The following CSMD1 variants were observed in gnomAD, a reference collection of about 807,000 sequenced individuals.
The protein encoded by CSMD1 is CUB and Sushi multiple domains 1.
A neutral mutation model predicts 417.5 loss-of-function variants in CSMD1; 213 were observed. That is an observed-to-expected ratio of 0.51 (90% CI 0.46 to 0.57). The LOEUF is 0.57. CSMD1 is among the 20% of genes least tolerant of loss of function. The probability of loss-of-function intolerance (pLI) is 0.00; values close to 1 mark genes in which losing one functional copy is unlikely to be tolerated. For synonymous variants in CSMD1, 2,862 were observed against 1,736.8 expected, an observed-to-expected ratio of 1.65 and a Z score of -16.11; for missense variants, 6,923 against 4,529.7, an observed-to-expected ratio of 1.53 and a Z score of -15.17.
chr8:3,608,946 G>C (rs1247319835), intron 8 of CSMD1, among the ~76,000 whole-genome samples: 1 of 152,046 alleles, frequency 6.6e-6, no homozygotes, highest in Non-Finnish European at 1.5e-5. Flanking sequence ...CTGAGCTCAA[G>C]GGCAAATTTC....
rs184623550 is a variant in CSMD1, at chr8:3,677,965, C to A, written c.1009+30449G>T. 3.9e-5 allele frequency among the ~76,000 whole-genome samples: 6 copies of A among 152,252 alleles called. No homozygotes were observed. In the South Asian group the frequency reaches 8.3e-4, roughly 21 times the overall value. ...GGAATGCACTTGAGGAGCAGAAACACTGACTTGGTGCAGGGACTCACAGCC... is the reference window on the plus strand; with the variant it reads ...GGAATGCACTTGAGGAGCAGAAACAATGACTTGGTGCAGGGACTCACAGCC... On this transcript the variant is annotated intron_variant, in intron 7 of 69. Transcript: ENST00000635120.
At chr8:4,740,673 G>A (rs905254858) in intron 1 of CSMD1, among the ~76,000 whole-genome samples, 2 of 152,180 alleles carry the variant, frequency 1.3e-5, no homozygotes, top group Admixed American at 6.5e-5. Context: ...CTAAGAGGAT[G>A]AGAATCTACT....
intron 40 of CSMD1, among the ~76,000 whole-genome samples, chr8:3,146,674 C>G (rs1458134821): frequency 2.6e-5 from 4 of 152,128 alleles, no homozygotes; most frequent in Non-Finnish European, 4.4e-5. Flanking sequence ...CTGTGTGGGT[C>G]ACTGTCCCGC....
chr8:3,432,126 C>T (rs889119703), intron 12 of CSMD1, among the ~76,000 whole-genome samples: 1 of 152,124 alleles, frequency 6.6e-6, no homozygotes, highest in Non-Finnish European at 1.5e-5. Flanking sequence ...AACAACTTAC[C>T]AGAAAGATGA....
chr8:3,092,429 A>T (rs137957242), intron 47 of CSMD1, among the ~76,000 whole-genome samples: 1 of 152,176 alleles, frequency 6.6e-6, no homozygotes, highest in South Asian at 2.1e-4. Context: ...ATTATAAAAC[A>T]TGCATAACCA....
chr8:3,410,378 T>C (rs1812609597), intron 12 of CSMD1, among the ~76,000 whole-genome samples: 1 of 152,206 alleles, frequency 6.6e-6, no homozygotes, highest in South Asian at 2.1e-4. Context: ...TTTGGCTGTG[T>C]CCCCACCTAA....
chr8:4,444,625 G>C (rs1585085704), intron 2 of CSMD1, among the ~76,000 whole-genome samples: 1 of 152,132 alleles, frequency 6.6e-6, no homozygotes, highest in African/African-American at 2.4e-5. Context: ...GATGCCATCT[G>C]TAAACATGGT....
intron 1 of CSMD1, among the ~76,000 whole-genome samples, chr8:4,784,145 G>A (rs1249383683): frequency 6.6e-6 from 1 of 152,222 alleles, no homozygotes; most frequent in Non-Finnish European, 1.5e-5. Context: ...TAAGTCAGTT[G>A]CCTGATTCAT....
chr8:3,006,324 T>C (rs1396976434), intron 52 of CSMD1, among the ~76,000 whole-genome samples: 1 of 150,378 alleles, frequency 6.6e-6, no homozygotes, highest in African/African-American at 2.5e-5. Context: ...GAAGAATCAA[T>C]ATCGTGAAAA....
intron 6 of CSMD1, among the ~76,000 whole-genome samples, chr8:3,721,587 A>T (rs1802178339): frequency 6.6e-6 from 1 of 152,186 alleles, no homozygotes; most frequent in South Asian, 2.1e-4. Flanking sequence ...TCAGGTTCAA[A>T]CTTATTTTCT....
chr8:3,100,883 C>T (rs780508692), intron 46 of CSMD1, among the ~76,000 whole-genome samples: 1 of 152,074 alleles, frequency 6.6e-6, no homozygotes, highest in Non-Finnish European at 1.5e-5. Flanking sequence ...CCTCTGTGAA[C>T]TAGGGAAAAG....
At chr8:3,596,050 C>T (rs563234997) in intron 8 of CSMD1, among the ~76,000 whole-genome samples, 9 of 143,886 alleles carry the variant, frequency 6.3e-5, no homozygotes, top group South Asian at 2.2e-4. Flanking sequence ...CTATTTTCCA[C>T]GTGGGCTTAG....
chr8:3,385,331 T>A (rs982931325), intron 18 of CSMD1, among the ~76,000 whole-genome samples: 1 of 87,158 alleles, frequency 1.1e-5, no homozygotes, highest in African/African-American at 5.2e-5. Flanking sequence ...TATTCCTGGA[T>A]AATTTTTTTG....
chr8:3,466,194 G>C (rs1043955421), intron 12 of CSMD1, among the ~76,000 whole-genome samples: 7 of 151,580 alleles, frequency 4.6e-5, no homozygotes, highest in African/African-American at 1.7e-4. Context: ...AAGCAGTTGT[G>C]ATTACTAGGA....
At chr8:3,230,813 A>G (rs1360766540) in intron 26 of CSMD1, among the ~76,000 whole-genome samples, 1 of 152,166 alleles carries the variant, frequency 6.6e-6, no homozygotes, top group African/African-American at 2.4e-5. Flanking sequence ...AAGTTGGACA[A>G]TATATTATAT....
At chr8:3,658,775 T>G (rs1321700635) in intron 7 of CSMD1, among the ~76,000 whole-genome samples, 1 of 152,086 alleles carries the variant, frequency 6.6e-6, no homozygotes, top group African/African-American at 2.4e-5. Flanking sequence ...AAAGAGAGAC[T>G]CCACCTCAAA....
intron 1 of CSMD1, among the ~76,000 whole-genome samples, chr8:4,770,621 G>T (rs775894750): frequency 2.6e-5 from 4 of 151,928 alleles, no homozygotes; most frequent in Non-Finnish European, 5.9e-5. Context: ...AAGGCACATG[G>T]ACCAGCGGAA....
At chr8:3,353,400 C>A (rs1411525247) in intron 21 of CSMD1, among the ~76,000 whole-genome samples, 1 of 152,158 alleles carries the variant, frequency 6.6e-6, no homozygotes, top group African/African-American at 2.4e-5. Flanking sequence ...ACCAAGATAC[C>A]ACCAAATAGC....
intron 26 of CSMD1, among the ~76,000 whole-genome samples, chr8:3,262,183 G>GAAAAA (rs143292375): frequency 3.7e-5 from 2 of 54,726 alleles, no homozygotes; most frequent in African/African-American, 1.5e-4. Context: ...ATGCTCATAT[G>GAAAAA]AATATATATA....
Sources: gnomAD v4.1 joint callset for allele counts (sites outside exome capture counted in the v4.1 genomes callset) on GRCh38, gnomAD v4.1.1 for gene constraint, MANE v1.5 for transcripts, NCBI Gene and HGNC (gene_info 2026-07-23, HGNC 2026-07-21) for gene names.